HS3ST3A1: variants seen among roughly 807,000 people sequenced by gnomAD.
HS3ST3A1 encodes the protein heparan sulfate glucosamine 3-O-sulfotransferase 3A1.
HS3ST3A1 carries 19 observed loss-of-function variants against 25.7 expected under a neutral mutation model. The ratio of observed to expected loss-of-function variants is 0.74; its 90% confidence interval spans 0.52 to 1.08. The LOEUF (loss-of-function observed/expected upper bound fraction) is 1.08. HS3ST3A1 is among the 50% of genes least tolerant of loss of function. The probability of loss-of-function intolerance (pLI) is 0.00; values close to 1 mark genes in which losing one functional copy is unlikely to be tolerated. For synonymous variants in HS3ST3A1, 226 were observed against 278.6 expected, an observed-to-expected ratio of 0.81 and a Z score of 1.88; for missense variants, 459 against 594.3, an observed-to-expected ratio of 0.77 and a Z score of 2.37.
At chr17:13,529,896 T>C (rs914145416) in intron 1 of HS3ST3A1, among the ~76,000 whole-genome samples, 4 of 152,108 alleles carry the variant, frequency 2.6e-5, no homozygotes, top group African/African-American at 7.2e-5. Flanking sequence ...TCAGTCATCA[T>C]GAATTGTATT....
intron 1 of HS3ST3A1, among the ~76,000 whole-genome samples, chr17:13,513,312 A>G (rs1905939083): frequency 6.6e-6 from 1 of 152,224 alleles, no homozygotes; most frequent in African/African-American, 2.4e-5. Flanking sequence ...TTCTTTCAGC[A>G]CAGGAAAACG....
chr17:13,559,611 G>A (rs1331110333), intron 1 of HS3ST3A1, among the ~76,000 whole-genome samples: 1 of 148,630 alleles, frequency 6.7e-6, no homozygotes, highest in Non-Finnish European at 1.5e-5. Context: ...TTTATTATTG[G>A]CTAATTTATT....
intron 1 of HS3ST3A1, among the ~76,000 whole-genome samples, chr17:13,537,713 T>C (rs959368182): frequency 2.0e-5 from 3 of 152,190 alleles, no homozygotes; most frequent in Non-Finnish European, 4.4e-5. Flanking sequence ...TTCTTTCAAG[T>C]ATTAAAGACA....
At chr17:13,566,980 T>C (rs2098026) in intron 1 of HS3ST3A1, among the ~76,000 whole-genome samples, 95,187 of 152,148 alleles carry the variant, frequency 0.63, 29,978 homozygotes, top group African/African-American at 0.67. Context: ...AGATTTTCCA[T>C]GTAGACAACG....
chr17:13,534,472 G>A (rs61472686), intron 1 of HS3ST3A1, among the ~76,000 whole-genome samples: 7,797 of 148,522 alleles, frequency 0.052, 524 homozygotes, highest in African/African-American at 0.15. Context: ...GGGAGGTGGA[G>A]GGAGGTGGAT....
intron 1 of HS3ST3A1, among the ~76,000 whole-genome samples, chr17:13,564,183 A>G (rs750171112): frequency 7.2e-5 from 11 of 152,192 alleles, no homozygotes; most frequent in Non-Finnish European, 8.8e-5. Context: ...CCTTTTGCCA[A>G]TGCTCAGCAA....
At chr17:13,543,099 T>G (rs1906981917) in intron 1 of HS3ST3A1, among the ~76,000 whole-genome samples, 1 of 152,206 alleles carries the variant, frequency 6.6e-6, no homozygotes, top group African/African-American at 2.4e-5. Flanking sequence ...CTTTGTAATA[T>G]CCTTTGTAAT....
At chr17:13,564,511 A>G (rs1907628504) in intron 1 of HS3ST3A1, among the ~76,000 whole-genome samples, 1 of 152,162 alleles carries the variant, frequency 6.6e-6, no homozygotes, top group Admixed American at 6.5e-5. Context: ...CCTCCTGTAT[A>G]CATTTAAATC....
At chr17:13,582,022 T>C (rs11870856) in intron 1 of HS3ST3A1, among the ~76,000 whole-genome samples, 1,660 of 152,312 alleles carry the variant, frequency 0.011, 28 homozygotes, top group African/African-American at 0.038. Context: ...ATTTTAAAAT[T>C]ACCTTGACTT....
intron 1 of HS3ST3A1, among the ~76,000 whole-genome samples, chr17:13,529,834 A>C (rs1328226895): frequency 6.6e-6 from 1 of 152,132 alleles, no homozygotes; most frequent in African/African-American, 2.4e-5. Flanking sequence ...TTACTCCATG[A>C]AATGAGAGGA....
intron 1 of HS3ST3A1, among the ~76,000 whole-genome samples, chr17:13,551,750 C>A (rs1247302667): frequency 6.6e-6 from 1 of 152,172 alleles, no homozygotes; most frequent in Non-Finnish European, 1.5e-5. Context: ...ATATCAAATC[C>A]TTATTAGTTA....
chr17:13,546,266 TTTTC>T (rs1331200176), intron 1 of HS3ST3A1, among the ~76,000 whole-genome samples: 3 of 152,084 alleles, frequency 2.0e-5, no homozygotes, highest in African/African-American at 4.8e-5. Context: ...TCTTTTTTCT[TTTTC>T]TTTCTTTCTT....
rs897380531 is a variant in HS3ST3A1, at chr17:13,495,061, A to C, written c.*1136T>G. Among the ~76,000 whole-genome samples the C allele has an allele frequency of 1.3e-5, 2 of 152,234 alleles. No homozygotes were observed. Among genetic ancestry groups the C allele is most frequent in the African/African-American group, 4.8e-5 (2 of 41,456 alleles). Reference sequence around the variant, plus strand: ...GTTAGAAGTGAGATATTACAAAGAAAGGTAGGTTTTCTCTCTTTAAAAAGA... The same window carrying C: ...GTTAGAAGTGAGATATTACAAAGAACGGTAGGTTTTCTCTCTTTAAAAAGA... On this transcript the variant is annotated 3_prime_UTR_variant, in exon 2 of 2. Coordinates refer to ENST00000284110, the MANE Select transcript of HS3ST3A1 (RefSeq NM_006042.3).
intron 1 of HS3ST3A1, among the ~76,000 whole-genome samples, chr17:13,551,066 C>A (rs1001332407): frequency 5.9e-3 from 727 of 123,752 alleles, no homozygotes; most frequent in African/African-American, 7.3e-3. Flanking sequence ...GACTCTGTCT[C>A]AAAAAAAAAA....
intron 1 of HS3ST3A1, among the ~76,000 whole-genome samples, chr17:13,551,023 C>A (rs1428903623): frequency 6.9e-6 from 1 of 144,694 alleles, no homozygotes; most frequent in Non-Finnish European, 1.5e-5. Context: ...GCCGAGATCG[C>A]GTCACTGCAC....
chr17:13,504,638 A>ATTTTACTATGT (rs1905598094), intron 1 of HS3ST3A1, among the ~76,000 whole-genome samples: 1 of 152,178 alleles, frequency 6.6e-6, no homozygotes, highest in Admixed American at 6.5e-5. Flanking sequence ...GTTGTACTTG[A>ATTTTACTATGT]ATAAAGATTT....
At position 13,498,950 on chromosome 17, in the gene HS3ST3A1, T is replaced by TG. The variant is rs370330944; in HGVS notation, c.600-2133_600-2132insC. On this transcript the variant is annotated intron_variant, in intron 1 of 1. Transcript: ENST00000284110. ...TCAGATTTCCTCCTATTTTTGTTTTTTTTTTTTGGGTGGGGGGTTTATTTT... is the reference window on the plus strand; with the variant it reads ...TCAGATTTCCTCCTATTTTTGTTTTTGTTTTTTTGGGTGGGGGGTTTATTTT... 5.1e-4 allele frequency among the ~76,000 whole-genome samples: 78 copies of TG among 152,050 alleles called. No individual in the cohort carries two copies. In the Middle Eastern group the frequency reaches 0.01, roughly 20 times the overall value.
intron 1 of HS3ST3A1, among the ~76,000 whole-genome samples, chr17:13,532,695 C>T (rs981719465): frequency 6.6e-6 from 1 of 152,024 alleles, no homozygotes; most frequent in African/African-American, 2.4e-5. Flanking sequence ...AATCATTTTC[C>T]ATAGTCCTAT....
At position 13,495,465 on chromosome 17, in the gene HS3ST3A1, C is replaced by A. The variant is rs567227357; in HGVS notation, c.*732G>T. Among the ~76,000 whole-genome samples the A allele has an allele frequency of 6.6e-6, 1 of 152,154 alleles. No individual in the cohort carries two copies. Among genetic ancestry groups the A allele is most frequent in the Non-Finnish European group, 1.5e-5 (1 of 68,020 alleles). On this transcript the variant is annotated 3_prime_UTR_variant, in exon 2 of 2. Coordinates refer to ENST00000284110, the MANE Select transcript of HS3ST3A1 (RefSeq NM_006042.3). ...AGGGGCTCTCTTTCCCTTTTCATATCATCTGAAAACTACCTAACCATTTCT... is the reference window on the plus strand; with the variant it reads ...AGGGGCTCTCTTTCCCTTTTCATATAATCTGAAAACTACCTAACCATTTCT...
Sources: allele counts gnomAD v4.1 joint callset (sites outside exome capture counted in the v4.1 genomes callset), GRCh38; gene constraint gnomAD v4.1.1; transcripts MANE v1.5; gene names NCBI Gene and HGNC (gene_info 2026-07-23, HGNC 2026-07-21).